The following TDRD10 variants were observed in gnomAD, a reference collection of about 807,000 sequenced individuals.
TDRD10 encodes tudor domain-containing protein 10.
TDRD10 carries 40 observed loss-of-function variants against 48.0 expected under a neutral mutation model. That is an observed-to-expected ratio of 0.83 (90% confidence interval 0.65 to 1.09). The LOEUF (loss-of-function observed/expected upper bound fraction) is 1.09, where lower values mean the gene tolerates loss of function less well. Among genes scored for constraint, TDRD10 ranks in the 50% least tolerant of loss-of-function variants. The pLI is 0.00. For synonymous variants in TDRD10, 162 were observed against 170.4 expected, an observed-to-expected ratio of 0.95 and a Z score of 0.38; for missense variants, 378 against 434.7, an observed-to-expected ratio of 0.87 and a Z score of 1.16.
chr1:154,514,401 T>C (rs544880727), intron 4 of TDRD10, among the ~76,000 whole-genome samples: 1 of 152,158 alleles, frequency 6.6e-6, no homozygotes, highest in African/African-American at 2.4e-5. Flanking sequence ...CTAAAGTATT[T>C]AAGGGTGAGA....
intron 6 of TDRD10, among the ~76,000 whole-genome samples, chr1:154,538,874 A>G (rs1695074379): frequency 7.2e-6 from 1 of 139,042 alleles, no homozygotes; most frequent in African/African-American, 2.6e-5. Flanking sequence ...TTATGGGTAA[A>G]GAAGAGAGGC....
At chr1:154,506,692 G>T (rs898891632) in intron 1 of TDRD10, among the ~76,000 whole-genome samples, 185 bp from the exon 2 acceptor site, 1 of 152,086 alleles carries the variant, frequency 6.6e-6, no homozygotes, top group African/African-American at 2.4e-5. Context: ...GTCAGTTGAT[G>T]GGCAACCTTA....
intron 4 of TDRD10, chr1:154,509,809 G>A (rs1241259949): frequency 1.0e-6 from 1 of 985,316 alleles, no homozygotes; most frequent in Non-Finnish European, 1.2e-6. Flanking sequence ...GGTCCAACCT[G>A]TTACTTGACA....
intron 2 of TDRD10, 102 bp downstream of exon 2, chr1:154,507,007 C>A (rs1693184991): frequency 6.2e-7 from 1 of 1,608,074 alleles, no homozygotes; most frequent in South Asian, 1.1e-5. Flanking sequence ...AGAGTCACCC[C>A]TGGCATCTCT....
rs116393156 is a variant in TDRD10 at position 154,537,147 on chromosome 1, C to G, written c.370-4877C>G. Among the ~76,000 whole-genome samples, 1,223 of 152,266 alleles carry G rather than the reference C, an allele frequency of 8.0e-3. 16 individuals are homozygous for G. Among genetic ancestry groups the G allele is most frequent in the African/African-American group, 0.028 (1,168 of 41,536 alleles). ...TTGCTGTCTCCCTTCATTCCGGGCT[C>G]CACTCAGCAGTCACCACCTCAGGAG... On this transcript the variant is annotated intron_variant, in intron 6 of 12. Coordinates refer to ENST00000368482, the MANE Select transcript of TDRD10 (RefSeq NM_182499.4).
intron 4 of TDRD10, among the ~76,000 whole-genome samples, chr1:154,512,840 A>G (rs1261226139): frequency 1.3e-5 from 2 of 152,184 alleles, no homozygotes; most frequent in East Asian, 3.9e-4. Context: ...AGACTATTGA[A>G]GTTTGAATGA....
At position 154,547,842 on chromosome 1, in the gene TDRD10, C is replaced by G. The variant is rs767946280; in HGVS notation, c.*132C>G. ...GGCCAGACTGTGCCCAGGATTGATT[C>G]AATTTTGCTTTTACTCCCAGCTTCC... On this transcript the variant is annotated 3_prime_UTR_variant, in exon 13 of 13. Coordinates refer to ENST00000368482, the MANE Select transcript of TDRD10 (RefSeq NM_182499.4). 3 of 1,161,588 alleles carry G rather than the reference C, an allele frequency of 2.6e-6. No homozygotes were observed. Among genetic ancestry groups the G allele is most frequent in the Non-Finnish European group, 3.7e-6 (3 of 803,334 alleles). The allele number at this position is 1,161,588 out of a possible 1,614,324, so 72.0% of individuals were successfully genotyped here. A position where few individuals can be genotyped will look rare whatever the true frequency, so the allele number is the denominator to read the frequency against.
chr1:154,518,295 A>T (rs942560553), intron 4 of TDRD10, among the ~76,000 whole-genome samples: 13 of 152,264 alleles, frequency 8.5e-5, no homozygotes, highest in Admixed American at 3.9e-4. Flanking sequence ...GTTTTTAAAA[A>T]TATTCTACAA....
intron 4 of TDRD10, among the ~76,000 whole-genome samples, chr1:154,513,752 A>G (rs1284261620): frequency 6.6e-6 from 1 of 152,228 alleles, no homozygotes; most frequent in Non-Finnish European, 1.5e-5. Flanking sequence ...TTGTAGTCAA[A>G]AGGAAATATA....
intron 1 of TDRD10, among the ~76,000 whole-genome samples, chr1:154,503,289 C>T (rs1471604583): frequency 6.6e-6 from 1 of 152,080 alleles, no homozygotes; most frequent in African/African-American, 2.4e-5. Flanking sequence ...CTTCGAAGCC[C>T]TTTAAAAGCT....
At chr1:154,514,330 CATT>C (rs994132870) in intron 4 of TDRD10, among the ~76,000 whole-genome samples, 1 of 152,130 alleles carries the variant, frequency 6.6e-6, no homozygotes, top group Non-Finnish European at 1.5e-5. Context: ...GATAGTAAGA[CATT>C]ATTGTTTTTC....
chr1:154,506,372 G>A (rs550855373), intron 1 of TDRD10, among the ~76,000 whole-genome samples: 1 of 131,870 alleles, frequency 7.6e-6, no homozygotes, highest in East Asian at 2.6e-4. Context: ...CTGTTGTCAC[G>A]TCTCTCTCTT....
intron 6 of TDRD10, among the ~76,000 whole-genome samples, chr1:154,521,814 C>A (rs547997318): frequency 2.0e-5 from 3 of 152,164 alleles, no homozygotes; most frequent in Non-Finnish European, 4.4e-5. Flanking sequence ...ACTGTTTGTA[C>A]AGCCTTGTTC....
intron 6 of TDRD10, among the ~76,000 whole-genome samples, chr1:154,536,736 G>A (rs563858553): frequency 3.3e-5 from 5 of 152,264 alleles, no homozygotes; most frequent in South Asian, 2.1e-4. Flanking sequence ...CTTTTCCAGC[G>A]TGTCCTGTAA....
intron 6 of TDRD10, among the ~76,000 whole-genome samples, chr1:154,524,946 CT>C (rs566477506): frequency 1.4e-3 from 212 of 152,350 alleles, no homozygotes; most frequent in African/African-American, 4.7e-3. Context: ...GCTCCTTCCT[CT>C]CTGGTCCTCT....
chr1:154,542,706 C>T (rs1240787949), intron 7 of TDRD10, 25 bp from the exon 8 acceptor site: 1 of 1,603,728 alleles, frequency 6.2e-7, no homozygotes, highest in Admixed American at 1.7e-5. Flanking sequence ...CTGGTGCCTC[C>T]AGGACTTAGT....
intron 11 of TDRD10, among the ~76,000 whole-genome samples, chr1:154,546,939 G>A (rs1695626010): frequency 6.6e-6 from 1 of 152,282 alleles, no homozygotes; most frequent in South Asian, 2.1e-4. Flanking sequence ...GACTCTGGTG[G>A]GATGGTGGGA....
At chr1:154,536,335 C>T (rs750901414) in intron 6 of TDRD10, among the ~76,000 whole-genome samples, 11 of 152,072 alleles carry the variant, frequency 7.2e-5, no homozygotes, top group Non-Finnish European at 7.4e-5. Context: ...GAGATTGTGC[C>T]GTTGCACTCC....
intron 6 of TDRD10, among the ~76,000 whole-genome samples, chr1:154,539,779 G>C (rs187172390): frequency 6.6e-6 from 1 of 152,320 alleles, no homozygotes; most frequent in East Asian, 1.9e-4. Context: ...TGGTAAAAGA[G>C]ACAAACAAGA....
Sources: gnomAD v4.1 joint callset for allele counts (sites outside exome capture counted in the v4.1 genomes callset) on GRCh38, gnomAD v4.1.1 for gene constraint, MANE v1.5 for transcripts, NCBI Gene and HGNC (gene_info 2026-07-23, HGNC 2026-07-21) for gene names.